The following CBFB variants were observed in gnomAD, a reference collection of about 807,000 sequenced individuals.
CBFB encodes the protein CBF-beta.
A neutral mutation model predicts 30.4 loss-of-function variants in CBFB; 9 were observed. That is an observed-to-expected ratio of 0.30 (90% CI 0.18 to 0.52). CBFB has a LOEUF of 0.52. Among genes scored for constraint, CBFB ranks in the 20% least tolerant of loss-of-function variants. The pLI is 0.97. For synonymous variants in CBFB, 94 were observed against 84.0 expected (o/e 1.12, Z -0.65); for missense variants, 170 against 244.0 (o/e 0.70, Z 2.02).
intron 3 of CBFB, among the ~76,000 whole-genome samples, chr16:67,040,368 A>G (rs570949159): frequency 6.6e-6 from 1 of 152,226 alleles, no homozygotes; most frequent in Admixed American, 6.5e-5. Flanking sequence ...GTTTTGAGGA[A>G]CTATAGTTGT....
At chr16:67,048,821 T>TC (rs1332935138) in intron 3 of CBFB, among the ~76,000 whole-genome samples, 1 of 140,868 alleles carries the variant, frequency 7.1e-6, no homozygotes, top group African/African-American at 2.6e-5. Context: ...TTTTTTTTTT[T>TC]TCTTTTTTTT....
chr16:67,059,499 A>G (rs1190283203), intron 3 of CBFB, among the ~76,000 whole-genome samples: 1 of 152,184 alleles, frequency 6.6e-6, no homozygotes, highest in East Asian at 1.9e-4. Flanking sequence ...CATGGGCTCA[A>G]ACACATACAT....
chr16:67,080,496 C>G (rs1961526552), intron 4 of CBFB, among the ~76,000 whole-genome samples: 2 of 151,972 alleles, frequency 1.3e-5, no homozygotes, highest in South Asian at 4.1e-4. Context: ...AAAATGGTGC[C>G]ACCAACAGAG....
intron 4 of CBFB, among the ~76,000 whole-genome samples, chr16:67,079,952 G>A (rs60400727): frequency 2.0e-5 from 3 of 152,130 alleles, no homozygotes; most frequent in Non-Finnish European, 2.9e-5. Flanking sequence ...TTCGAGACCA[G>A]CCGGGCATGA....
At chr16:67,063,689 C>T (rs1960973380) in intron 3 of CBFB, among the ~76,000 whole-genome samples, 2 of 152,112 alleles carry the variant, frequency 1.3e-5, no homozygotes, top group African/African-American at 2.4e-5. Context: ...GCCTTGGCCT[C>T]CTAAGGGGCT....
Position 67,100,124 on chromosome 16 carries a change from A to T in CBFB, c.*1346A>T. 4.7e-6 allele frequency: 1 copy of T among 212,328 alleles called. No homozygotes were observed. Among genetic ancestry groups the T allele is most frequent in the East Asian group, 7.2e-5 (1 of 13,912 alleles). 13.2% of individuals were successfully genotyped at this position (212,328 alleles called of 1,614,324 possible). On this transcript the variant is annotated 3_prime_UTR_variant, in exon 6 of 6. Coordinates refer to ENST00000412916, the MANE Select transcript of CBFB (RefSeq NM_022845.3). ...TAAGTCATTTGGCACCTCCTTACAA[A>T]TATTTTTCATGGTCACATTTATTAA...
At chr16:67,088,027 C>A (rs1453567676) in intron 5 of CBFB, among the ~76,000 whole-genome samples, 2 of 152,146 alleles carry the variant, frequency 1.3e-5, no homozygotes, top group African/African-American at 4.8e-5. Context: ...TACATTATGA[C>A]CTAGAGCATA....
chr16:67,051,171 C>A (rs1477007410), intron 3 of CBFB, among the ~76,000 whole-genome samples: 2 of 151,996 alleles, frequency 1.3e-5, no homozygotes, highest in Admixed American at 1.3e-4. Context: ...TTAGATGTGT[C>A]TTACAAAGAA....
chr16:67,035,789 G>A (rs1966432013), intron 2 of CBFB, among the ~76,000 whole-genome samples: 1 of 152,162 alleles, frequency 6.6e-6, no homozygotes, highest in African/African-American at 2.4e-5. Context: ...TTTAGATGAT[G>A]AAAAATGTAT....
intron 2 of CBFB, among the ~76,000 whole-genome samples, chr16:67,032,217 C>T (rs957812062): frequency 2.0e-5 from 3 of 152,114 alleles, no homozygotes; most frequent in South Asian, 4.1e-4. Flanking sequence ...AGACCTTCCC[C>T]GCTTCCAAAT....
At chr16:67,046,442 A>C (rs1458713971) in intron 3 of CBFB, among the ~76,000 whole-genome samples, 1 of 152,068 alleles carries the variant, frequency 6.6e-6, no homozygotes, top group Non-Finnish European at 1.5e-5. Context: ...GACTATTGAA[A>C]TGTTGTTGTC....
At chr16:67,082,139 A>C (rs1382241606) in intron 4 of CBFB, 74 bp from the exon 5 acceptor site, 16 of 1,301,576 alleles carry the variant, frequency 1.2e-5, no homozygotes, top group South Asian at 1.6e-5. Context: ...GAAAAAAAAA[A>C]AAAAAACAAA....
intron 3 of CBFB, among the ~76,000 whole-genome samples, chr16:67,049,246 C>T (rs1336436488): frequency 6.6e-6 from 1 of 151,880 alleles, no homozygotes; most frequent in East Asian, 1.9e-4. Flanking sequence ...TCTTGTCTGC[C>T]AGGCTGGAGT....
intron 3 of CBFB, among the ~76,000 whole-genome samples, chr16:67,061,489 G>A (rs1362175795): frequency 6.6e-6 from 1 of 152,066 alleles, no homozygotes; most frequent in Middle Eastern, 3.2e-3. Flanking sequence ...TTTGACAGAA[G>A]CATTTCACTG....
At chr16:67,043,764 C>T (rs1966574172) in intron 3 of CBFB, among the ~76,000 whole-genome samples, 1 of 152,198 alleles carries the variant, frequency 6.6e-6, no homozygotes, top group Admixed American at 6.5e-5. Context: ...TTGTAAACCC[C>T]TGTCTACAGT....
intron 5 of CBFB, among the ~76,000 whole-genome samples, chr16:67,085,504 G>GC (rs375273073): frequency 9.9e-6 from 1 of 101,070 alleles, no homozygotes; most frequent in Non-Finnish European, 2.0e-5. Context: ...TTTTGGGTGG[G>GC]GGTGGGGGGA....
Position 67,029,446 on chromosome 16 carries a change from G to T in CBFB, c.39G>T (p.Glu13Asp). 3 of 1,591,138 alleles carry T rather than the reference G, an allele frequency of 1.9e-6. No homozygotes were observed. Among genetic ancestry groups the T allele is most frequent in the Non-Finnish European group, 8.5e-7 (1 of 1,170,142 alleles). ...RVVPDQRSKFENEEFFRKLSR... is the reference protein window; with the variant it reads ...RVVPDQRSKFDNEEFFRKLSR... ...TGCCCGACCAGAGAAGCAAGTTCGA[G>T]AACGAGGAGTTTTTTAGGAAGCTGA... The change falls in exon 1 of 6, where the codon GAG becomes GAT. Residue 13 changes from glutamate (E) to aspartate (D), a missense_variant. By Grantham distance (45) the Glu-to-Asp change is conservative (BLOSUM62 2). Transcript: ENST00000412916.
chr16:67,059,423 C>T (rs1960826710), intron 3 of CBFB, among the ~76,000 whole-genome samples: 2 of 152,150 alleles, frequency 1.3e-5, no homozygotes, highest in African/African-American at 4.8e-5. Context: ...ATAATTGAAT[C>T]CGTTTTGCCT....
At chr16:67,055,940 C>G (rs2145737561) in intron 3 of CBFB, among the ~76,000 whole-genome samples, 1 of 152,236 alleles carries the variant, frequency 6.6e-6, no homozygotes, top group East Asian at 1.9e-4. Flanking sequence ...ATGATTACAG[C>G]AAGCGACAGG....
Sources: allele counts gnomAD v4.1 joint callset (sites outside exome capture counted in the v4.1 genomes callset), GRCh38; gene constraint gnomAD v4.1.1; transcripts MANE v1.5; gene names NCBI Gene and HGNC (gene_info 2026-07-23, HGNC 2026-07-21).